The following MAPK10 variants were observed in gnomAD, a reference collection of about 807,000 sequenced individuals.
MAPK10 encodes the protein JNK3 alpha protein kinase.
MAPK10 carries 25 observed loss-of-function variants against 59.3 expected under a neutral mutation model. The ratio of observed to expected loss-of-function variants is 0.42; its 90% CI spans 0.31 to 0.59. MAPK10 has a LOEUF of 0.59. Ranked by LOEUF, MAPK10 falls within the 20% of genes least tolerant of loss-of-function variation. MAPK10 has a pLI of 0.15. For synonymous variants in MAPK10, 190 were observed against 200.5 expected, an observed-to-expected ratio of 0.95 and a Z score of 0.44; for missense variants, 351 against 568.9, an observed-to-expected ratio of 0.62 and a Z score of 3.90.
intron 1 of MAPK10, among the ~76,000 whole-genome samples, chr4:86,407,964 T>C (rs1053113591): frequency 6.6e-6 from 1 of 152,176 alleles, no homozygotes; most frequent in Non-Finnish European, 1.5e-5. Flanking sequence ...TCAGGTTTGT[T>C]ACATAGGTAT....
intron 11 of MAPK10, among the ~76,000 whole-genome samples, chr4:86,060,520 G>C (rs893938621): frequency 3.3e-5 from 5 of 152,086 alleles, no homozygotes; most frequent in Admixed American, 6.5e-5. Context: ...CTTATCTGTA[G>C]CTCCACTCTC....
intron 2 of MAPK10, chr4:86,326,527 C>A (rs2096026292): frequency 6.6e-6 from 1 of 152,112 alleles, no homozygotes; most frequent in Admixed American, 6.6e-5. Flanking sequence ...CTTCTCTCAA[C>A]TCCCCCTAAA....
chr4:86,500,461 T>C (rs1755224390), intron 1 of MAPK10, among the ~76,000 whole-genome samples: 1 of 152,148 alleles, frequency 6.6e-6, no homozygotes, highest in Admixed American at 6.5e-5. Flanking sequence ...ATACACAATC[T>C]CTGAAATTTA....
chr4:86,260,915 A>C (rs1225240550), intron 2 of MAPK10, among the ~76,000 whole-genome samples: 1 of 152,162 alleles, frequency 6.6e-6, no homozygotes, highest in Non-Finnish European at 1.5e-5. Context: ...TGAAGAGATA[A>C]ACATCATTAT....
At chr4:86,405,399 GA>G (rs1193966705) in intron 1 of MAPK10, among the ~76,000 whole-genome samples, 2 of 152,116 alleles carry the variant, frequency 1.3e-5, no homozygotes, top group Non-Finnish European at 2.9e-5. Context: ...GTGTTCTGTT[GA>G]ACATTAATAT....
intron 11 of MAPK10, among the ~76,000 whole-genome samples, chr4:86,039,188 A>G (rs1157879354): frequency 6.6e-6 from 1 of 152,206 alleles, no homozygotes; most frequent in Non-Finnish European, 1.5e-5. Flanking sequence ...AACTATCCGC[A>G]CACAAAAATA....
At chr4:86,590,616 C>G (rs1762968814) in intron 1 of MAPK10, among the ~76,000 whole-genome samples, 1 of 151,982 alleles carries the variant, frequency 6.6e-6, no homozygotes. Flanking sequence ...AGACCCCTCT[C>G]TACAAAACTT....
intron 2 of MAPK10, among the ~76,000 whole-genome samples, chr4:86,315,269 T>C (rs1017876862): frequency 1.3e-5 from 2 of 151,714 alleles, no homozygotes; most frequent in African/African-American, 4.8e-5. Context: ...ATGCGGGGCA[T>C]GGAGGGGGTG....
At chr4:86,192,267 A>G (rs2080103887) in intron 3 of MAPK10, 2 of 152,026 alleles carry the variant, frequency 1.3e-5, no homozygotes, top group South Asian at 4.2e-4. Context: ...GGTCTTCTCA[A>G]GGAGTATCTT....
chr4:86,387,992 A>C (rs1741723010), intron 1 of MAPK10, among the ~76,000 whole-genome samples: 1 of 148,982 alleles, frequency 6.7e-6, no homozygotes, highest in Non-Finnish European at 1.5e-5. Context: ...AATATTTATA[A>C]AAATATTTAT....
intron 1 of MAPK10, among the ~76,000 whole-genome samples, chr4:86,555,271 C>T (rs1347367120): frequency 6.6e-6 from 1 of 152,114 alleles, no homozygotes; most frequent in Non-Finnish European, 1.5e-5. Context: ...TATGGTGAAA[C>T]CCTGTCTCTA....
intron 3 of MAPK10, among the ~76,000 whole-genome samples, chr4:86,183,112 T>A (rs2077277297): frequency 6.6e-6 from 1 of 150,972 alleles, no homozygotes; most frequent in African/African-American, 2.5e-5. Context: ...TGTAAAACAT[T>A]AACTTAGATT....
At position 86,313,786 on chromosome 4, in the gene MAPK10, G is replaced by T. The variant is rs189002031; in HGVS notation, c.-7+40744C>A. 9.2e-5 allele frequency among the ~76,000 whole-genome samples: 14 copies of T among 152,184 alleles called. No homozygotes were observed. The East Asian group carries it at 1.9e-3, about 21-fold the overall frequency. ...AATACAAATTGTCACAATAACTTTG[G>T]AACACTGTATAGCAGTATCTTCCAA... is the stretch of plus-strand genomic sequence containing the variant. On this transcript the variant is annotated intron_variant, in intron 2 of 13. Transcript: ENST00000641462.
intron 2 of MAPK10, among the ~76,000 whole-genome samples, chr4:86,299,655 T>C (rs1584302204): frequency 6.6e-6 from 1 of 152,290 alleles, no homozygotes; most frequent in Admixed American, 6.5e-5. Context: ...TTTGTACATT[T>C]ATTATCCAAA....
intron 9 of MAPK10, chr4:86,081,613 C>A (rs1449920373): frequency 6.6e-6 from 1 of 151,890 alleles, no homozygotes; most frequent in Non-Finnish European, 1.5e-5. Flanking sequence ...CTTAGCCTCC[C>A]TTGTAGACAA....
At chr4:86,125,027 A>G (rs2059847484) in intron 4 of MAPK10, 1 of 152,042 alleles carries the variant, frequency 6.6e-6, no homozygotes, top group Admixed American at 6.6e-5. Context: ...CTTTTACATT[A>G]CAATGCAAAA....
intron 1 of MAPK10, among the ~76,000 whole-genome samples, chr4:86,460,970 G>A (rs2149061116): frequency 6.6e-6 from 1 of 152,280 alleles, no homozygotes; most frequent in African/African-American, 2.4e-5. Context: ...ATTTCTGTGT[G>A]TGTGTCTTTA....
At chr4:86,511,920 A>G (rs890823596) in intron 1 of MAPK10, among the ~76,000 whole-genome samples, 1 of 152,070 alleles carries the variant, frequency 6.6e-6, no homozygotes, top group Non-Finnish European at 1.5e-5. Context: ...GGAAGGAAAA[A>G]GAAGAAGAAT....
intron 4 of MAPK10, among the ~76,000 whole-genome samples, chr4:86,155,671 T>C (rs1366568503): frequency 1.3e-5 from 2 of 152,016 alleles, no homozygotes; most frequent in Non-Finnish European, 2.9e-5. Context: ...ACAACTGCAA[T>C]AACATACTGT....
Sources: allele counts gnomAD v4.1 joint callset (sites outside exome capture counted in the v4.1 genomes callset), GRCh38; gene constraint gnomAD v4.1.1; transcripts MANE v1.5; gene names NCBI Gene and HGNC (gene_info 2026-07-23, HGNC 2026-07-21).